RALA: variants seen among roughly 807,000 people sequenced by gnomAD.
The protein encoded by RALA is RAS like proto-oncogene A.
In RALA, 5 loss-of-function variants were observed where a neutral mutation model predicts 24.0. The observed-to-expected ratio is 0.21, with a 90% CI of 0.11 to 0.44. The LOEUF is 0.44. Ranked by LOEUF, RALA falls within the 20% of genes least tolerant of loss-of-function variation. The pLI is 0.99. For synonymous variants in RALA, 77 were observed against 83.8 expected (o/e 0.92, Z 0.44); for missense variants, 95 against 241.2 (o/e 0.39, Z 4.01).
chr7:39,704,494 T>A (rs1793083274), intron 4 of RALA, among the ~76,000 whole-genome samples: 1 of 151,560 alleles, frequency 6.6e-6, no homozygotes. Context: ...ATTTTTGTAT[T>A]TTTAGTAGAG....
At chr7:39,672,913 T>TC (rs1162045238) in intron 1 of RALA, among the ~76,000 whole-genome samples, 1 of 152,248 alleles carries the variant, frequency 6.6e-6, no homozygotes, top group East Asian at 1.9e-4. Flanking sequence ...TATACATTTA[T>TC]CAAAACTCAT....
chr7:39,680,643 C>T lies in RALA; in HGVS notation c.-37-5988C>T, dbSNP rs73387364. 7.5e-3 allele frequency among the ~76,000 whole-genome samples: 1,117 copies of T among 149,848 alleles called. 9 individuals carry two copies. The highest frequency in any genetic ancestry group is 0.026 in the African/African-American group (1,049 of 41,114). On this transcript the variant is annotated intron_variant, in intron 1 of 4. Transcript: ENST00000005257. Reference sequence around the variant, plus strand: ...TTTTTTCCTTGTGCCTTTGTGATTTCATTTTGTCACTTAAATCTTTGATCT... The same window carrying T: ...TTTTTTCCTTGTGCCTTTGTGATTTTATTTTGTCACTTAAATCTTTGATCT...
chr7:39,645,761 C>T (rs557382332), intron 1 of RALA, among the ~76,000 whole-genome samples: 3 of 152,060 alleles, frequency 2.0e-5, no homozygotes, highest in South Asian at 2.1e-4. Context: ...CACAGGAGGA[C>T]GAATAGGAAT....
chr7:39,642,712 A>G (rs1226334093), intron 1 of RALA, among the ~76,000 whole-genome samples: 1 of 152,144 alleles, frequency 6.6e-6, no homozygotes, highest in Admixed American at 6.5e-5. Context: ...GACTGTTGTG[A>G]CTTCTCTTTA....
chr7:39,628,703 G>A (rs543385011), intron 1 of RALA, among the ~76,000 whole-genome samples: 3 of 151,978 alleles, frequency 2.0e-5, no homozygotes, highest in Non-Finnish European at 4.4e-5. Context: ...TTACAGGCAC[G>A]CGGCACCATG....
At chr7:39,705,585 C>G (rs1793106718) in intron 4 of RALA, among the ~76,000 whole-genome samples, 1 of 152,118 alleles carries the variant, frequency 6.6e-6, no homozygotes, top group East Asian at 1.9e-4. Context: ...CTGATAAATT[C>G]TCAAATACAG....
intron 1 of RALA, among the ~76,000 whole-genome samples, chr7:39,650,322 A>G (rs1423858223): frequency 1.3e-5 from 2 of 152,200 alleles, no homozygotes; most frequent in African/African-American, 2.4e-5. Flanking sequence ...AACCTTGTGC[A>G]TTTATTTAGG....
chr7:39,656,096 G>C (rs1792091378), intron 1 of RALA, among the ~76,000 whole-genome samples: 1 of 152,082 alleles, frequency 6.6e-6, no homozygotes, highest in Admixed American at 6.5e-5. Flanking sequence ...TAGTTTTTTT[G>C]TAGTGGCAGA....
At chr7:39,653,255 C>T (rs1031116468) in intron 1 of RALA, among the ~76,000 whole-genome samples, 1 of 152,202 alleles carries the variant, frequency 6.6e-6, no homozygotes, top group East Asian at 1.9e-4. Context: ...GTCTCAAACT[C>T]CTGACCTTAT....
intron 1 of RALA, among the ~76,000 whole-genome samples, chr7:39,681,625 A>G (rs1001039247): frequency 1.3e-5 from 2 of 152,008 alleles, no homozygotes; most frequent in South Asian, 2.1e-4. Context: ...TGACTGTGCG[A>G]TTACTAGATC....
chr7:39,643,431 A>G (rs1414962835), intron 1 of RALA, among the ~76,000 whole-genome samples: 1 of 152,216 alleles, frequency 6.6e-6, no homozygotes, highest in Non-Finnish European at 1.5e-5. Context: ...AGAAAGAGGC[A>G]GAAAAACGGC....
At chr7:39,697,108 C>T (rs937080592) in intron 4 of RALA, among the ~76,000 whole-genome samples, 3 of 152,068 alleles carry the variant, frequency 2.0e-5, no homozygotes, top group Non-Finnish European at 4.4e-5. Flanking sequence ...GCACTGATGG[C>T]ATTCCTGACT....
chr7:39,692,245 T>C (rs1452406448), intron 3 of RALA, among the ~76,000 whole-genome samples: 3 of 152,182 alleles, frequency 2.0e-5, no homozygotes, highest in Admixed American at 2.0e-4. Flanking sequence ...ACAAAATCCA[T>C]TGCTTCCTCG....
At chr7:39,628,099 TG>T (rs1254389240) in intron 1 of RALA, among the ~76,000 whole-genome samples, 2 of 151,940 alleles carry the variant, frequency 1.3e-5, no homozygotes. Flanking sequence ...TTCCTCTTCC[TG>T]GAATTCTAGC....
intron 1 of RALA, among the ~76,000 whole-genome samples, chr7:39,638,518 C>A: frequency 6.6e-6 from 1 of 152,184 alleles, no homozygotes; most frequent in East Asian, 1.9e-4. Context: ...TCATGTCTCC[C>A]TGCAGTCTTG....
At chr7:39,684,454 C>T (rs1792660079) in intron 1 of RALA, among the ~76,000 whole-genome samples, 1 of 151,954 alleles carries the variant, frequency 6.6e-6, no homozygotes, top group South Asian at 2.1e-4. Flanking sequence ...ATTGGGCAAG[C>T]AGGCATATGG....
chr7:39,657,625 G>A (rs921285910), intron 1 of RALA, among the ~76,000 whole-genome samples: 1 of 152,058 alleles, frequency 6.6e-6, no homozygotes, highest in African/African-American at 2.4e-5. Flanking sequence ...TAAGCCTTAA[G>A]TGATAATGAA....
intron 1 of RALA, among the ~76,000 whole-genome samples, chr7:39,673,259 C>G (rs1451779166): frequency 1.3e-5 from 2 of 152,106 alleles, no homozygotes; most frequent in African/African-American, 2.4e-5. Context: ...CAGAAGACTT[C>G]TGAGTCAGGT....
chr7:39,688,551 G>A (rs182524753), intron 2 of RALA, among the ~76,000 whole-genome samples: 2 of 150,868 alleles, frequency 1.3e-5, no homozygotes, highest in African/African-American at 4.9e-5. Flanking sequence ...CAATAAGGAA[G>A]CCAAAAGTAA....
Sources: gnomAD v4.1 joint callset for allele counts (sites outside exome capture counted in the v4.1 genomes callset) on GRCh38, gnomAD v4.1.1 for gene constraint, MANE v1.5 for transcripts, NCBI Gene and HGNC (gene_info 2026-07-23, HGNC 2026-07-21) for gene names.